The following INPP5A variants were observed in gnomAD, a reference collection of about 807,000 sequenced individuals.
INPP5A encodes inositol polyphosphate-5-phosphatase A, also known as 43 kDa inositol polyphosphate 5-phophatase.
INPP5A carries 14 observed loss-of-function variants against 65.2 expected under a neutral mutation model. The observed-to-expected ratio is 0.21, with a 90% CI of 0.14 to 0.34. The LOEUF is 0.34. Among genes scored for constraint, INPP5A ranks in the 10% least tolerant of loss-of-function variants. The pLI is 1.00. For synonymous variants in INPP5A, 207 were observed against 208.3 expected (o/e 0.99, Z 0.05); for missense variants, 431 against 545.6 (o/e 0.79, Z 2.09).
At position 132,779,212 on chromosome 10, in the gene INPP5A, C is replaced by T. The variant is rs138022435; in HGVS notation, c.1089+1430C>T. Among the ~76,000 whole-genome samples the T allele has an allele frequency of 2.4e-3, 371 of 152,374 alleles. No individual in the cohort carries two copies. In the Middle Eastern group the frequency reaches 0.027, roughly 11 times the overall value. On this transcript the variant is annotated intron_variant, in intron 13 of 15. Transcript: ENST00000368594. ...CCCAAAAGCCCAGGAGTGGGCTCGG[C>T]CTGGAGCCTGGCTGTGGACCTGCCA... is the stretch of plus-strand genomic sequence containing the variant.
intron 1 of INPP5A, among the ~76,000 whole-genome samples, chr10:132,560,405 T>G (rs577442514): frequency 9.8e-5 from 15 of 152,326 alleles, no homozygotes; most frequent in African/African-American, 3.4e-4. Flanking sequence ...GGCTGCAGAC[T>G]TCCAACATCA....
At chr10:132,647,351 C>T (rs556305491) in intron 3 of INPP5A, among the ~76,000 whole-genome samples, 5 of 152,236 alleles carry the variant, frequency 3.3e-5, no homozygotes, top group African/African-American at 1.2e-4. Context: ...ATCTCCTGAC[C>T]TTGTGATCTG....
rs1462717904 is a variant in INPP5A, at chr10:132,550,780, T to C, written c.75+12609T>C. ...GCAGCCGCCAGAGTGTGAGGGGCCA[T>C]GGTCGCTGACCTCGCCTCCTGTTGT... On this transcript the variant is annotated intron_variant, in intron 1 of 15. Coordinates refer to ENST00000368594, the MANE Select transcript of INPP5A (RefSeq NM_005539.5). This position sits in a 1 kb window ranked among gnomAD's most constrained non-coding sequence, Gnocchi z 4.2. Among the ~76,000 whole-genome samples, 1 of 152,234 alleles carries C rather than the reference T, an allele frequency of 6.6e-6. No homozygotes were observed. The highest frequency in any genetic ancestry group is 1.5e-5 in the Non-Finnish European group (1 of 68,044).
At chr10:132,540,912 C>G (rs2070898249) in intron 1 of INPP5A, among the ~76,000 whole-genome samples, 2 of 152,194 alleles carry the variant, frequency 1.3e-5, no homozygotes, top group Non-Finnish European at 2.9e-5. Context: ...CTCTGTTTTC[C>G]TTTTGTGCAC....
At chr10:132,670,144 C>T (rs1296298912) in intron 4 of INPP5A, among the ~76,000 whole-genome samples, 1 of 146,664 alleles carries the variant, frequency 6.8e-6, no homozygotes, top group Non-Finnish European at 1.5e-5. Flanking sequence ...CAAGACCCTA[C>T]ACCCTCTGAC....
chr10:132,573,988 C>T (rs13376773), intron 1 of INPP5A, among the ~76,000 whole-genome samples: 25 of 101,088 alleles, frequency 2.5e-4, no homozygotes, highest in African/African-American at 9.6e-4. Context: ...TTGGGGTGTA[C>T]GTGCCGTGGG....
rs1010916287 is a variant in INPP5A at position 132,762,988 on chromosome 10, C to CAATA, written c.904-2771_904-2768dup. Among the ~76,000 whole-genome samples the CAATA allele has an allele frequency of 6.6e-5, 10 of 152,106 alleles. No individual in the cohort carries two copies. Among genetic ancestry groups the CAATA allele is most frequent in the African/African-American group, 1.4e-4 (6 of 41,404 alleles). ...TGGGTGACAGAGGGAGACTCTGTTT[C>CAATA]AATAAATAAATAAATAACTTAAAAA... On this transcript the variant is annotated intron_variant, in intron 11 of 15. Coordinates refer to ENST00000368594, the MANE Select transcript of INPP5A (RefSeq NM_005539.5). This position sits in a 1 kb window ranked among gnomAD's most constrained non-coding sequence, Gnocchi z 4.6.
intron 9 of INPP5A, among the ~76,000 whole-genome samples, chr10:132,729,770 G>A (rs1846049470): frequency 6.6e-6 from 1 of 152,204 alleles, no homozygotes; most frequent in Admixed American, 6.5e-5. Context: ...GATCTTCCAC[G>A]GCAGCCTTCA....
At chr10:132,584,291 T>G (rs994452146) in intron 1 of INPP5A, among the ~76,000 whole-genome samples, 1 of 152,242 alleles carries the variant, frequency 6.6e-6, no homozygotes, top group African/African-American at 2.4e-5. Context: ...CCTCTGTGTT[T>G]GAAAAGAGCC....
chr10:132,610,377 C>A (rs959936756), intron 2 of INPP5A, among the ~76,000 whole-genome samples: 3 of 151,938 alleles, frequency 2.0e-5, no homozygotes, highest in Non-Finnish European at 2.9e-5. Flanking sequence ...GGGTGGGGGG[C>A]GGTTCGTGAA....
chr10:132,661,151 C>T (rs970101964), intron 4 of INPP5A, among the ~76,000 whole-genome samples: 8 of 152,130 alleles, frequency 5.3e-5, no homozygotes, highest in East Asian at 1.9e-4. Context: ...CCCACCTCTT[C>T]GTGATATGGT....
chr10:132,594,521 G>A (rs1335517562), intron 1 of INPP5A, among the ~76,000 whole-genome samples: 2 of 152,114 alleles, frequency 1.3e-5, no homozygotes, highest in African/African-American at 4.8e-5. Context: ...GCGTTTGCAT[G>A]CCTGTGCACG....
chr10:132,645,964 G>T lies in INPP5A; in HGVS notation c.214G>T (p.Val72Phe). 1 of 1,610,488 alleles carries T rather than the reference G, an allele frequency of 6.2e-7. No homozygotes were observed. The highest frequency in any genetic ancestry group is 8.5e-7 in the Non-Finnish European group (1 of 1,176,952). ...EASMSHVDKF[V>F]KELLSSDAMK... The stretch of plus-strand genomic sequence containing the variant: ...CTCCATGTCCCACGTGGACAAGTTC[G>T]TCAAGTAAGTCTAGGGGCAGGTGCT... Residue 72 changes from valine to phenylalanine, a missense_variant, in exon 3 of 16, where the codon GTC becomes TTC. Transcript: ENST00000368594.
chr10:132,749,463 G>A, intron 9 of INPP5A, 54 bp from the exon 10 acceptor site: 1 of 1,512,242 alleles, frequency 6.6e-7, no homozygotes, highest in East Asian at 2.3e-5. Context: ...GGGTGACGCT[G>A]CCATGGGCAG....
Position 132,749,796 on chromosome 10 carries a change from T to C in INPP5A, c.854T>C (p.Leu285Pro). Residue 285 changes from leucine to proline, a missense_variant, in exon 11 of 16, where the codon CTC (leucine) becomes CCC (proline). Coordinates refer to ENST00000368594, the MANE Select transcript of INPP5A (RefSeq NM_005539.5). ...RKVMLQLEKK[L>P]FDYFNQEVFR... is the part of the protein sequence containing the mutation. ...GTTATGCTCCAGTTAGAAAAGAAAC[T>C]CTTCGACTACTTCAACCAGGAGGTT... is the stretch of plus-strand genomic sequence containing the variant. The C allele has an allele frequency of 6.2e-7, 1 of 1,613,160 alleles. No homozygotes were observed. The highest frequency in any genetic ancestry group is 8.5e-7 in the Non-Finnish European group (1 of 1,179,980).
At chr10:132,689,739 G>A (rs1845224196) in intron 4 of INPP5A, among the ~76,000 whole-genome samples, 1 of 152,258 alleles carries the variant, frequency 6.6e-6, no homozygotes, top group Non-Finnish European at 1.5e-5. Flanking sequence ...GTAACTGTCT[G>A]TGTGGTATCC....
At position 132,547,051 on chromosome 10, in the gene INPP5A, C is replaced by T. The variant is rs1304075648; in HGVS notation, c.75+8880C>T. Among the ~76,000 whole-genome samples the T allele has an allele frequency of 6.6e-6, 1 of 152,252 alleles. No individual in the cohort carries two copies. The highest frequency in any genetic ancestry group is 2.4e-5 in the African/African-American group (1 of 41,470). On this transcript the variant is annotated intron_variant, in intron 1 of 15. Coordinates refer to ENST00000368594, the MANE Select transcript of INPP5A (RefSeq NM_005539.5). This position sits in a 1 kb window ranked among gnomAD's most constrained non-coding sequence, Gnocchi z 5.5. Reference sequence around the variant, plus strand: ...CCAGAGGAGATTGAAGAACCCGAGACTTGGCTTTGGCCCAAGTCCCTGTGG... The same window carrying T: ...CCAGAGGAGATTGAAGAACCCGAGATTTGGCTTTGGCCCAAGTCCCTGTGG...
chr10:132,567,725 G>T (rs968160894), intron 1 of INPP5A, among the ~76,000 whole-genome samples: 1 of 152,128 alleles, frequency 6.6e-6, no homozygotes, highest in Admixed American at 6.5e-5. Flanking sequence ...GAAGTCCAAC[G>T]ATTCCAGCTT....
At chr10:132,630,976 G>C (rs1049737260) in intron 2 of INPP5A, among the ~76,000 whole-genome samples, 1 of 152,148 alleles carries the variant, frequency 6.6e-6, no homozygotes, top group Non-Finnish European at 1.5e-5. Flanking sequence ...CCTATCTCTG[G>C]GGGGAAGGCT....
Sources: gnomAD v4.1 joint callset for allele counts (sites outside exome capture counted in the v4.1 genomes callset) on GRCh38, gnomAD v4.1.1 for gene constraint, Gnocchi (gnomAD v3.1) non-coding constraint, MANE v1.5 for transcripts, NCBI Gene and HGNC (gene_info 2026-07-23, HGNC 2026-07-21) for gene names.